Variants in MORC1 observed in about 807,000 individuals in gnomAD.
MORC1 encodes MORC family CW-type zinc finger 1.
In MORC1, 59 loss-of-function variants were observed where a neutral mutation model predicts 134.9. That is an observed-to-expected ratio of 0.44 (90% CI 0.35 to 0.54). The LOEUF is 0.54. Among genes scored for constraint, MORC1 ranks in the 20% least tolerant of loss-of-function variants. MORC1 has a pLI of 0.00. For synonymous variants in MORC1, 395 were observed against 391.7 expected (o/e 1.01, Z -0.10); for missense variants, 947 against 1,134.5 (o/e 0.83, Z 2.37).
intron 17 of MORC1, among the ~76,000 whole-genome samples, chr3:109,024,728 A>G (rs1207060434): frequency 6.6e-6 from 1 of 152,226 alleles, no homozygotes; most frequent in Admixed American, 6.5e-5. Context: ...CATATATTGT[A>G]TGATTCTGTG....
chr3:109,075,396 G>A (rs1160696930), intron 8 of MORC1, among the ~76,000 whole-genome samples: 2 of 152,106 alleles, frequency 1.3e-5, no homozygotes, highest in African/African-American at 4.8e-5. Flanking sequence ...CGTCCTGAAT[G>A]GTATTGCCTA....
At chr3:109,007,193 A>C in intron 17 of MORC1, 102 bp from the exon 18 acceptor site, 1 of 831,016 alleles carries the variant, frequency 1.2e-6, no homozygotes, top group Non-Finnish European at 1.9e-6. Context: ...AGAAGGGTCA[A>C]GATAGCAAAC....
At chr3:109,014,240 CAATGTCT>C (rs1220737206) in intron 17 of MORC1, among the ~76,000 whole-genome samples, 1 of 152,186 alleles carries the variant, frequency 6.6e-6, no homozygotes, top group African/African-American at 2.4e-5. Context: ...GTACATATCA[CAATGTCT>C]AATAGTTACA....
rs538651521 is a variant in MORC1 at position 109,094,834 on chromosome 3, C to T, written c.583+75G>A. 39 of 1,363,372 alleles carry T rather than the reference C, an allele frequency of 2.9e-5. No individual in the cohort carries two copies. The South Asian group carries it at 5.9e-4, about 21-fold the overall frequency. The allele number at this position is 1,363,372 out of a possible 1,614,324, so 84.5% of individuals were successfully genotyped here. A position where few individuals can be genotyped will look rare whatever the true frequency, so the allele number is the denominator to read the frequency against. On this transcript the variant is annotated intron_variant, in intron 7 of 27. Transcript: ENST00000232603. The stretch of plus-strand genomic sequence containing the variant: ...ATTATAAGAACAAAAAAAATGAAAA[C>T]ATATGTACAGTGTCTTTGATAAGAC...
At chr3:109,035,312 G>A (rs761227008) in intron 15 of MORC1, 28 bp downstream of exon 15, 1 of 1,560,024 alleles carries the variant, frequency 6.4e-7, no homozygotes, top group South Asian at 1.2e-5. Flanking sequence ...CTTAACATTT[G>A]GTAATTATAA....
At chr3:109,054,618 A>C in intron 14 of MORC1, 110 bp downstream of exon 14, 1 of 1,010,646 alleles carries the variant, frequency 9.9e-7, no homozygotes, top group Non-Finnish European at 1.4e-6. Flanking sequence ...GCTCCCTTTC[A>C]GAGTTTTCAG....
At chr3:109,099,921 A>G (rs1416300471) in intron 5 of MORC1, among the ~76,000 whole-genome samples, 1 of 152,204 alleles carries the variant, frequency 6.6e-6, no homozygotes, top group East Asian at 1.9e-4. Flanking sequence ...ATTATTTGGG[A>G]GAATTAACCT....
At chr3:109,087,368 T>G (rs1576728137) in intron 8 of MORC1, among the ~76,000 whole-genome samples, 1 of 152,086 alleles carries the variant, frequency 6.6e-6, no homozygotes, top group Admixed American at 6.6e-5. Context: ...AATAAACAAC[T>G]TTAGCAAAGT....
intron 10 of MORC1, 108 bp from the exon 11 acceptor site, chr3:109,062,166 A>G (rs1383151664): frequency 3.2e-6 from 3 of 927,542 alleles, no homozygotes; most frequent in African/African-American, 3.3e-5. Context: ...CATACAGACC[A>G]TGATCTGAGA....
At chr3:109,096,003 T>C (rs150037468) in intron 6 of MORC1, among the ~76,000 whole-genome samples, 4 of 152,084 alleles carry the variant, frequency 2.6e-5, no homozygotes, top group African/African-American at 9.6e-5. Context: ...GAACAAATAA[T>C]TATAAACAAA....
intron 14 of MORC1, among the ~76,000 whole-genome samples, chr3:109,054,487 C>T (rs879626064): frequency 5.9e-5 from 9 of 152,156 alleles, no homozygotes; most frequent in Non-Finnish European, 1.3e-4. Flanking sequence ...TCAGCTGCCA[C>T]CTCACTCTGT....
chr3:109,040,098 T>G (rs1312406265), intron 14 of MORC1, among the ~76,000 whole-genome samples: 1 of 151,330 alleles, frequency 6.6e-6, no homozygotes, highest in Admixed American at 6.6e-5. Context: ...TACAACAATT[T>G]AAACAACAAC....
intron 14 of MORC1, among the ~76,000 whole-genome samples, chr3:109,054,127 C>T (rs1294612996): frequency 6.6e-6 from 1 of 151,564 alleles, no homozygotes; most frequent in Non-Finnish European, 1.5e-5. Context: ...ACTAAAAATA[C>T]AAAAATTAGG....
intron 8 of MORC1, among the ~76,000 whole-genome samples, chr3:109,090,006 A>G (rs1206958735): frequency 6.6e-6 from 1 of 152,162 alleles, no homozygotes; most frequent in Non-Finnish European, 1.5e-5. Context: ...CACTCTCCGT[A>G]AGTCATATTC....
intron 10 of MORC1, among the ~76,000 whole-genome samples, chr3:109,062,809 T>C (rs1950113727): frequency 1.3e-5 from 2 of 152,160 alleles, no homozygotes; most frequent in African/African-American, 4.8e-5. Flanking sequence ...AGGCTGGTCT[T>C]GAACTCTTGG....
At chr3:109,049,610 A>G (rs78464735) in intron 14 of MORC1, among the ~76,000 whole-genome samples, 4,897 of 152,304 alleles carry the variant, frequency 0.032, 250 homozygotes, top group African/African-American at 0.11. Context: ...CGAGGGATAA[A>G]TGTATGATTC....
chr3:109,010,525 T>C (rs762269757), intron 17 of MORC1, among the ~76,000 whole-genome samples: 12 of 152,326 alleles, frequency 7.9e-5, no homozygotes, highest in Non-Finnish European at 1.5e-4. Context: ...AATTTACAGC[T>C]TTAGTGAGAT....
chr3:108,997,797 A>G (rs1315748833), intron 21 of MORC1, among the ~76,000 whole-genome samples: 1 of 152,192 alleles, frequency 6.6e-6, no homozygotes, highest in African/African-American at 2.4e-5. Context: ...AACTATTAGT[A>G]CAAGAACCAG....
intron 8 of MORC1, among the ~76,000 whole-genome samples, chr3:109,087,873 A>T (rs1293754865): frequency 2.6e-5 from 4 of 152,134 alleles, no homozygotes; most frequent in Non-Finnish European, 5.9e-5. Context: ...TGGTACAAAA[A>T]CAGACACATA....
Sources: allele counts gnomAD v4.1 joint callset (sites outside exome capture counted in the v4.1 genomes callset), GRCh38; gene constraint gnomAD v4.1.1; transcripts MANE v1.5; gene names NCBI Gene and HGNC (gene_info 2026-07-23, HGNC 2026-07-21).